NECAB3: variants seen among roughly 807,000 people sequenced by gnomAD.
The protein encoded by NECAB3 is N-terminal EF-hand calcium binding protein 3.
In NECAB3, 38 loss-of-function variants were observed where a neutral mutation model predicts 57.2. The ratio of observed to expected loss-of-function variants is 0.66; its 90% CI spans 0.51 to 0.87. The LOEUF is 0.87. Ranked by LOEUF, NECAB3 falls within the 40% of genes least tolerant of loss-of-function variation. NECAB3 has a pLI of 0.00. For missense variants in NECAB3, 474 were observed against 527.5 expected, an observed-to-expected ratio of 0.90 and a Z score of 0.99; for synonymous variants, 223 against 222.6, an observed-to-expected ratio of 1.00 and a Z score of -0.02.
chr20:33,674,394 C>T lies in NECAB3; in HGVS notation c.-42G>A, dbSNP rs1261836660. 8.8e-7 allele frequency: 1 copy of T among 1,141,704 alleles called. No homozygotes were observed. The highest frequency in any genetic ancestry group is 1.6e-5 in the African/African-American group (1 of 61,086). 70.7% of individuals were successfully genotyped at this position (1,141,704 alleles called of 1,614,324 possible). ...CGGGCTCGGCTGCGGTTGCTGCCGA[C>T]CCTGGACGCCGCGGCGGACTCGGTG... is the stretch of plus-strand genomic sequence containing the variant. On this transcript the variant is annotated 5_prime_UTR_variant, in exon 1 of 12. Coordinates refer to ENST00000246190, the MANE Select transcript of NECAB3 (RefSeq NM_031232.4).
At position 33,669,446 on chromosome 20, in the gene NECAB3, A is replaced by T. The variant is rs369331727; in HGVS notation, c.316T>A (p.Tyr106Asn). 7 of 1,613,654 alleles carry T rather than the reference A, an allele frequency of 4.3e-6. No individual in the cohort carries two copies. Among genetic ancestry groups the T allele is most frequent in the Non-Finnish European group, 5.9e-6 (7 of 1,180,034 alleles). The change falls in exon 5 of 12, where the codon TAC becomes AAC. Residue 106 changes from tyrosine (Y) to asparagine (N), a missense_variant. Tyr to Asn is a moderately radical substitution (Grantham distance 143, BLOSUM62 -2). Transcript: ENST00000246190. ...TCCAATGCAGCCAGCACCGGCCGGTAGACACCCAGGTGCTCTGAGAAGTAG... is the reference window on the plus strand; with the variant it reads ...TCCAATGCAGCCAGCACCGGCCGGTTGACACCCAGGTGCTCTGAGAAGTAG... ...CDYFSEHLGV[Y>N]RPVLAALESL...
intron 2 of NECAB3, chr20:33,671,987 A>G (rs986284402): frequency 3.0e-5 from 6 of 200,826 alleles, no homozygotes; most frequent in Non-Finnish European, 5.1e-5. Context: ...AATGCTGCAA[A>G]GACCCAAGTT....
At chr20:33,665,230 C>G (rs1440706626) in intron 5 of NECAB3, 1 of 152,370 alleles carries the variant, frequency 6.6e-6, no homozygotes, top group Non-Finnish European at 1.5e-5. Context: ...AAACCCAGCA[C>G]TTTGGGAGGC....
rs1464112585 is a variant in NECAB3, at chr20:33,657,151, G to A, written c.*678C>T. On this transcript the variant is annotated 3_prime_UTR_variant, in exon 12 of 12. Transcript: ENST00000246190. ...CCCAGCCTGGGGTTCAGAGGCCTCT[G>A]GGGGCAATAGGTGACCCTGGACCCA... 1 of 152,688 alleles carries A rather than the reference G, an allele frequency of 6.5e-6. No individual in the cohort carries two copies. Among genetic ancestry groups the A allele is most frequent in the Non-Finnish European group, 1.5e-5 (1 of 68,072 alleles). 9.5% of individuals were successfully genotyped at this position (152,688 alleles called of 1,614,324 possible).
chr20:33,663,610 G>C (rs756448795), intron 5 of NECAB3: 4 of 1,610,688 alleles, frequency 2.5e-6, no homozygotes, highest in Non-Finnish European at 3.4e-6. Context: ...CTACGCGTCC[G>C]GCGCTGGGCT....
chr20:33,667,632 G>T, intron 5 of NECAB3: 1 of 1,605,132 alleles, frequency 6.2e-7, no homozygotes, highest in East Asian at 2.3e-5. Context: ...CCTTCCGACT[G>T]AACGTGGCAG....
intron 5 of NECAB3, chr20:33,669,020 C>T (rs113408255): frequency 1.4e-5 from 4 of 284,342 alleles, no homozygotes; most frequent in Non-Finnish European, 2.7e-5. Context: ...TGAATGATAT[C>T]CCACCACAGT....
chr20:33,672,632 C>G (rs1318056141), intron 1 of NECAB3, among the ~76,000 whole-genome samples: 1 of 152,212 alleles, frequency 6.6e-6, no homozygotes, highest in East Asian at 1.9e-4. Flanking sequence ...CGGGTGCCAC[C>G]TCTGCTCACT....
At position 33,672,405 on chromosome 20, in the gene NECAB3, G is replaced by A; in HGVS notation, c.147C>T (p.Asp49=). 1 of 1,614,168 alleles carries A rather than the reference G, an allele frequency of 6.2e-7. No homozygotes were observed. The change falls in exon 2 of 12, where the codon GAC becomes GAT. Residue 49 remains aspartate, a synonymous_variant. Coordinates refer to ENST00000246190, the MANE Select transcript of NECAB3 (RefSeq NM_031232.4). ...TLFQDVFRRA[D]KNDDGKLSFE... ...AGGGGAAGCCACACTCACCATTCTT[G>A]TCTGCTCTGCGGAAAACCTAGAGGA...
chr20:33,666,459 C>G (rs996232403), intron 5 of NECAB3: 1 of 152,326 alleles, frequency 6.6e-6, no homozygotes, highest in African/African-American at 2.4e-5. Flanking sequence ...AATCCAAGTT[C>G]TTTTCTGCCT....
In NECAB3 at chr20:33,659,309, G is replaced by A. The variant is rs540276502; in HGVS notation, c.879+188C>T. Among the ~76,000 whole-genome samples the A allele has an allele frequency of 2.6e-5, 4 of 152,334 alleles. No individual in the cohort carries two copies. In the South Asian group the frequency reaches 8.3e-4, roughly 32 times the overall value. ...GACCTGGCTTTCGGAAATGCTGATG[G>A]GGAACCAAAGCCCAGAGAAAGGTGG... On this transcript the variant is annotated intron_variant, in intron 8 of 11. Transcript: ENST00000246190.
intron 5 of NECAB3, chr20:33,663,626 C>G (rs755118770): frequency 6.2e-7 from 1 of 1,608,952 alleles, no homozygotes; most frequent in African/African-American, 1.3e-5. Flanking sequence ...GGGCTGGGCT[C>G]CCCGGCGGCA....
chr20:33,673,541 C>T (rs1378201927), intron 1 of NECAB3, among the ~76,000 whole-genome samples: 1 of 152,004 alleles, frequency 6.6e-6, no homozygotes, highest in Non-Finnish European at 1.5e-5. Flanking sequence ...CCCCTCAGGC[C>T]TTGGTTTTCC....
chr20:33,671,511 C>T (rs967725740), intron 2 of NECAB3, among the ~76,000 whole-genome samples: 4 of 151,892 alleles, frequency 2.6e-5, no homozygotes, highest in African/African-American at 9.7e-5. Context: ...TTTGAAGAGA[C>T]CCAAGGAGAA....
chr20:33,658,970 G>C, intron 8 of NECAB3, 136 bp from the exon 9 acceptor site: 1 of 647,050 alleles, frequency 1.5e-6, no homozygotes. Flanking sequence ...ACCCAGGCTG[G>C]AGTGCAGTGG....
chr20:33,668,163 C>T (rs749789283), intron 5 of NECAB3: 14 of 1,612,392 alleles, frequency 8.7e-6, no homozygotes, highest in African/African-American at 8.0e-5. Flanking sequence ...TGCACTCCTT[C>T]CAGCGCCGCT....
chr20:33,663,426 A>T (rs1314553389), intron 5 of NECAB3: 9 of 1,245,328 alleles, frequency 7.2e-6, no homozygotes, highest in Non-Finnish European at 8.8e-6. Context: ...CGGGTGGACG[A>T]CAGGACCCGG....
rs114601246 is a variant in NECAB3, at chr20:33,663,302, G to A, written c.388-2907C>T. 2.2e-3 allele frequency: 1,229 copies of A among 566,124 alleles called. 9 individuals are homozygous for A. The African/African-American group carries it at 0.022, about 10-fold the overall frequency. The allele number at this position is 566,124 out of a possible 1,614,324, so 35.1% of individuals were successfully genotyped here. On this transcript the variant is annotated intron_variant, in intron 5 of 11. Transcript: ENST00000246190. The stretch of plus-strand genomic sequence containing the variant: ...GGAAGTCAGCCTGGGATGGATGAGG[G>A]TTTCCAGAAAGGAGGCGGAGTCCGG...
Position 33,657,821 on chromosome 20 carries a change from G to A in NECAB3, c.*8C>T, listed in dbSNP as rs945963142. On this transcript the variant is annotated 3_prime_UTR_variant, in exon 12 of 12. Transcript: ENST00000246190. ...GGTCCCGGGGCCCTCGGCGTGTGCA[G>A]GTCTGGCTCAGTTGTTATTCATTAT... 3.3e-6 allele frequency: 5 copies of A among 1,535,288 alleles called. No homozygotes were observed. Among genetic ancestry groups the A allele is most frequent in the Non-Finnish European group, 4.4e-6 (5 of 1,137,982 alleles).
Sources: allele counts gnomAD v4.1 joint callset (sites outside exome capture counted in the v4.1 genomes callset), GRCh38; gene constraint gnomAD v4.1.1; transcripts MANE v1.5; gene names NCBI Gene and HGNC (gene_info 2026-07-23, HGNC 2026-07-21).